FOXP2: variants seen among roughly 807,000 people sequenced by gnomAD.
The protein encoded by FOXP2 is forkhead box protein P2.
FOXP2 carries 12 observed loss-of-function variants against 115.8 expected under a neutral mutation model. The ratio of observed to expected loss-of-function variants is 0.10; its 90% CI spans 0.07 to 0.17. The LOEUF is 0.17. Ranked by LOEUF, FOXP2 falls within the 10% of genes least tolerant of loss-of-function variation. The pLI, the probability that FOXP2 is intolerant of heterozygous loss-of-function variation, is 1.00. For missense variants in FOXP2, 629 were observed against 843.5 expected (o/e 0.75, Z 3.15); for synonymous variants, 328 against 297.7 (o/e 1.10, Z -1.05).
chr7:114,586,997 A>G (rs142531970), intron 3 of FOXP2, among the ~76,000 whole-genome samples: 51 of 152,118 alleles, frequency 3.4e-4, no homozygotes, highest in Non-Finnish European at 6.5e-4. Flanking sequence ...ATTAACCAAT[A>G]CTATTTAAAG....
intron 2 of FOXP2, among the ~76,000 whole-genome samples, chr7:114,397,627 AAATT>A (rs1288481409): frequency 1.3e-5 from 2 of 152,164 alleles, no homozygotes; most frequent in Admixed American, 1.3e-4. Context: ...AACAATAAGA[AAATT>A]AATATGGCCA....
intron 2 of FOXP2, among the ~76,000 whole-genome samples, chr7:114,430,765 G>C (rs1383531073): frequency 5.3e-5 from 8 of 151,854 alleles, no homozygotes. Flanking sequence ...AACCTAGAAA[G>C]AATGTTTCTC....
At chr7:114,499,749 T>C (rs1319116929) in intron 2 of FOXP2, 1 of 152,168 alleles carries the variant, frequency 6.6e-6, no homozygotes, top group Non-Finnish European at 1.5e-5. Context: ...ATTTGTGCGA[T>C]GTAATGGTCA....
At chr7:114,318,664 A>T (rs1030044520) in intron 2 of FOXP2, among the ~76,000 whole-genome samples, 2 of 151,498 alleles carry the variant, frequency 1.3e-5, no homozygotes, top group African/African-American at 2.4e-5. Flanking sequence ...TGTCATCACC[A>T]TATTTTTTCC....
chr7:114,184,330 C>T (rs999897026), intron 1 of FOXP2, among the ~76,000 whole-genome samples: 3 of 152,314 alleles, frequency 2.0e-5, no homozygotes, highest in East Asian at 3.9e-4. Context: ...ATGGCTGCCA[C>T]TCCTTGGCGG....
chr7:114,607,210 A>G (rs1803378271), intron 3 of FOXP2, among the ~76,000 whole-genome samples: 1 of 152,144 alleles, frequency 6.6e-6, no homozygotes, highest in Non-Finnish European at 1.5e-5. Context: ...ACTAGAGGAG[A>G]CTTTAGTAAA....
chr7:114,290,895 T>C (rs1390274211), intron 2 of FOXP2, among the ~76,000 whole-genome samples: 1 of 152,098 alleles, frequency 6.6e-6, no homozygotes, highest in Non-Finnish European at 1.5e-5. Flanking sequence ...TGTGAACACA[T>C]AAAAAGGGCA....
intron 2 of FOXP2, among the ~76,000 whole-genome samples, chr7:114,310,000 G>A (rs2129179853): frequency 6.6e-6 from 1 of 152,190 alleles, no homozygotes; most frequent in East Asian, 1.9e-4. Flanking sequence ...CTGCTTTTCT[G>A]AGTGGTAGAC....
intron 1 of FOXP2, among the ~76,000 whole-genome samples, chr7:114,173,737 CT>C (rs1012353494): frequency 6.6e-6 from 1 of 151,832 alleles, no homozygotes; most frequent in African/African-American, 2.4e-5. Context: ...TTTGTAGCAA[CT>C]TTTCCTTTGC....
At chr7:114,553,849 T>C (rs916696273) in intron 3 of FOXP2, among the ~76,000 whole-genome samples, 5 of 152,110 alleles carry the variant, frequency 3.3e-5, no homozygotes, top group Non-Finnish European at 5.9e-5. Context: ...ACCACAATGA[T>C]CTATGCTGCA....
intron 1 of FOXP2, among the ~76,000 whole-genome samples, chr7:114,224,207 T>G (rs1478375694): frequency 3.9e-5 from 6 of 152,146 alleles, no homozygotes; most frequent in Admixed American, 3.9e-4. Context: ...ACTGAAGATT[T>G]CATAAGACTT....
chr7:114,632,524 C>A (rs1804977084), intron 6 of FOXP2, among the ~76,000 whole-genome samples: 1 of 152,132 alleles, frequency 6.6e-6, no homozygotes, highest in Non-Finnish European at 1.5e-5. Flanking sequence ...TTGGGACAAA[C>A]ATTAATCCAA....
intron 1 of FOXP2, among the ~76,000 whole-genome samples, chr7:114,238,286 T>C (rs529020124): frequency 6.6e-6 from 1 of 152,122 alleles, no homozygotes; most frequent in Admixed American, 6.5e-5. Context: ...TTTTTCTTCC[T>C]AATCTGAAAT....
intron 13 of FOXP2, among the ~76,000 whole-genome samples, chr7:114,660,654 A>T (rs1313823905): frequency 6.6e-6 from 1 of 152,162 alleles, no homozygotes; most frequent in African/African-American, 2.4e-5. Flanking sequence ...TGTTTTATTT[A>T]TGCACAGTTA....
intron 1 of FOXP2, among the ~76,000 whole-genome samples, chr7:114,242,701 G>T (rs1389723688): frequency 1.3e-5 from 2 of 152,122 alleles, no homozygotes; most frequent in Non-Finnish European, 2.9e-5. Flanking sequence ...TCTCTAGAAA[G>T]AAATATGTAA....
At chr7:114,639,808 A>T (rs1248700169) in intron 6 of FOXP2, among the ~76,000 whole-genome samples, 6 of 152,162 alleles carry the variant, frequency 3.9e-5, no homozygotes, top group Non-Finnish European at 8.8e-5. Flanking sequence ...GAGCCAGATA[A>T]TAAGTGCAGT....
At chr7:114,410,165 C>T (rs982507356), upstream of FOXP2, among the ~76,000 whole-genome samples, 5 of 152,030 alleles carry the variant, frequency 3.3e-5, no homozygotes, top group African/African-American at 1.2e-4. Flanking sequence ...CACTAAATGG[C>T]GTTGTACTCT....
chr7:114,665,049 T>A (rs1807089953), intron 16 of FOXP2: 1 of 152,564 alleles, frequency 6.6e-6, no homozygotes, highest in African/African-American at 2.4e-5. Flanking sequence ...ATTTAGCAGC[T>A]AACTATATCA....
chr7:114,252,957 G>T (rs533467472), intron 1 of FOXP2, among the ~76,000 whole-genome samples: 3 of 152,134 alleles, frequency 2.0e-5, no homozygotes, highest in African/African-American at 7.2e-5. Context: ...TCTACACACT[G>T]CTTTAAATGT....
Sources: allele counts gnomAD v4.1 joint callset (sites outside exome capture counted in the v4.1 genomes callset), GRCh38; gene constraint gnomAD v4.1.1; transcripts MANE v1.5; gene names NCBI Gene and HGNC (gene_info 2026-07-23, HGNC 2026-07-21).